The following HIVEP3 variants were observed in gnomAD, a reference collection of about 807,000 sequenced individuals.
The protein encoded by HIVEP3 is HIVEP zinc finger 3, also known as transcription factor HIVEP3.
HIVEP3 carries 49 observed loss-of-function variants against 152.8 expected under a neutral mutation model. The ratio of observed to expected loss-of-function variants is 0.32; its 90% CI spans 0.26 to 0.41. HIVEP3 has a LOEUF of 0.41. Ranked by LOEUF, HIVEP3 falls within the 10% of genes least tolerant of loss-of-function variation. The probability of loss-of-function intolerance (pLI) is 1.00; values close to 1 mark genes in which losing one functional copy is unlikely to be tolerated. For missense variants in HIVEP3, 2,790 were observed against 3,103.3 expected (o/e 0.90, Z 2.40); for synonymous variants, 1,269 against 1,289.0 (o/e 0.98, Z 0.33).
At chr1:42,015,383 T>C (rs971324600) in intron 1 of HIVEP3, among the ~76,000 whole-genome samples, 3 of 152,170 alleles carry the variant, frequency 2.0e-5, no homozygotes, top group Admixed American at 2.0e-4. Context: ...CTCTGAGCCT[T>C]GCCTAAATAC....
intron 1 of HIVEP3, among the ~76,000 whole-genome samples, chr1:41,839,005 T>C (rs1480937975): frequency 6.6e-6 from 1 of 152,178 alleles, no homozygotes; most frequent in African/African-American, 2.4e-5. Flanking sequence ...GTGTCAAGGA[T>C]GTCAGGGGGT....
intron 7 of HIVEP3, among the ~76,000 whole-genome samples, chr1:41,514,147 C>CTTTG (rs72280396): frequency 2.1e-3 from 315 of 151,776 alleles, no homozygotes; most frequent in South Asian, 3.7e-3. Flanking sequence ...AGAAGACAGT[C>CTTTG]TTTGTTTGTT....
chr1:41,528,317 C>T (rs1165926116), intron 5 of HIVEP3, among the ~76,000 whole-genome samples: 1 of 131,474 alleles, frequency 7.6e-6, no homozygotes, highest in Admixed American at 7.4e-5. Flanking sequence ...CACCTTCACA[C>T]TCCACACCCC....
chr1:41,606,860 GT>G (rs1356556726), intron 3 of HIVEP3, among the ~76,000 whole-genome samples: 2 of 149,610 alleles, frequency 1.3e-5, no homozygotes, highest in Admixed American at 6.6e-5. Context: ...CTCTCTGGAA[GT>G]TTTTTGTTTT....
intron 4 of HIVEP3, among the ~76,000 whole-genome samples, chr1:41,576,744 A>G (rs1216557630): frequency 6.6e-6 from 1 of 152,208 alleles, no homozygotes; most frequent in Non-Finnish European, 1.5e-5. Context: ...TCTGAGTTCC[A>G]GCACCAGATA....
intron 5 of HIVEP3, among the ~76,000 whole-genome samples, chr1:41,545,590 T>TCACCACCACCACCACCACCACCACCAC (rs1392801049): frequency 1.5e-4 from 3 of 20,112 alleles, no homozygotes; most frequent in Non-Finnish European, 2.4e-4. Flanking sequence ...ACCATCACCA[T>TCACCACCACCACCACCACCACCACCAC]CACCACCACC....
Position 41,615,684 on chromosome 1 carries a change from G to A in HIVEP3, c.-522+13065C>T, listed in dbSNP as rs902555256. Among the ~76,000 whole-genome samples, 22 of 152,248 alleles carry A rather than the reference G, an allele frequency of 1.4e-4. 1 individual carries two copies. In the East Asian group the frequency reaches 4.2e-3, roughly 29 times the overall value. ...CCCAACTCAGGGCAAGCCCGGTGGG[G>A]GCAGGGTAAACCCAGAAAACAATCA... On this transcript the variant is annotated intron_variant, in intron 3 of 8. Coordinates refer to ENST00000372583, the MANE Select transcript of HIVEP3 (RefSeq NM_024503.5).
At chr1:41,938,941 A>G (rs1000279794) in intron 1 of HIVEP3, among the ~76,000 whole-genome samples, 4 of 152,186 alleles carry the variant, frequency 2.6e-5, no homozygotes, top group Non-Finnish European at 5.9e-5. Context: ...TCTGGACTTC[A>G]TCGAATATCT....
At chr1:41,598,806 G>GTTATTTAT (rs10655770) in intron 3 of HIVEP3, among the ~76,000 whole-genome samples, 12,560 of 146,990 alleles carry the variant, frequency 0.085, 1,116 homozygotes, top group African/African-American at 0.22. Context: ...GTCACATGAT[G>GTTATTTAT]TTATTTATTT....
chr1:41,973,940 A>G (rs1427576789), intron 1 of HIVEP3, among the ~76,000 whole-genome samples: 2 of 152,234 alleles, frequency 1.3e-5, no homozygotes, highest in Non-Finnish European at 2.9e-5. Context: ...GAGGGAATTC[A>G]GTGGAGGGAT....
intron 1 of HIVEP3, among the ~76,000 whole-genome samples, chr1:41,812,922 G>A (rs949797521): frequency 1.6e-5 from 1 of 63,122 alleles, no homozygotes; most frequent in Non-Finnish European, 4.1e-5. Flanking sequence ...AGAGCCAAGC[G>A]CTTTCTGGAC....
At chr1:41,558,987 G>C (rs1021169391) in intron 5 of HIVEP3, among the ~76,000 whole-genome samples, 8 of 151,980 alleles carry the variant, frequency 5.3e-5, no homozygotes, top group African/African-American at 9.7e-5. Flanking sequence ...TCTGTCTTCT[G>C]CTGGCTGCTG....
chr1:42,013,722 G>A (rs7541929), intron 1 of HIVEP3, among the ~76,000 whole-genome samples: 103,324 of 152,080 alleles, frequency 0.68, 35,742 homozygotes, highest in East Asian at 0.96. Context: ...CACTTACAAG[G>A]AATACTTTAG....
At chr1:41,909,797 A>C (rs115544785) in intron 1 of HIVEP3, among the ~76,000 whole-genome samples, 1,920 of 152,242 alleles carry the variant, frequency 0.013, 48 homozygotes, top group African/African-American at 0.044. Flanking sequence ...AATTAGTAAC[A>C]AAAAGATAAT....
Position 41,533,439 on chromosome 1 carries a change from C to CA in HIVEP3, c.5208-8530dup, listed in dbSNP as rs1186775394. 6.6e-6 allele frequency among the ~76,000 whole-genome samples: 1 copy of CA among 152,100 alleles called. No homozygotes were observed. The highest frequency in any genetic ancestry group is 2.4e-5 in the African/African-American group (1 of 41,410). ...AACCAGCCCCAAGCCTCCCTGGGCC[C>CA]AAATCCCGGGCCAGCTCTGCTGTCC... is the stretch of plus-strand genomic sequence containing the variant. On this transcript the variant is annotated intron_variant, in intron 5 of 8. Transcript: ENST00000372583. The surrounding 1 kb of genome is among the most constrained non-coding windows in gnomAD (Gnocchi z 4.3).
At chr1:41,692,887 C>A (rs948190676) in intron 2 of HIVEP3, among the ~76,000 whole-genome samples, 1 of 152,184 alleles carries the variant, frequency 6.6e-6, no homozygotes, top group Admixed American at 6.5e-5. Context: ...CCATTATTTG[C>A]TATTACAAAC....
At position 41,649,316 on chromosome 1, in the gene HIVEP3, C is replaced by A. The variant is rs541037191; in HGVS notation, c.-720-20369G>T. Among the ~76,000 whole-genome samples, 67 of 152,348 alleles carry A rather than the reference C, an allele frequency of 4.4e-4. No homozygotes were observed. The South Asian group carries it at 0.013, about 30-fold the overall frequency. On this transcript the variant is annotated intron_variant, in intron 2 of 8. Coordinates refer to ENST00000372583, the MANE Select transcript of HIVEP3 (RefSeq NM_024503.5). Reference sequence around the variant, plus strand: ...ATCCTCTGGGTTGCAGAATCCCAGGCTCCACCTTCTCCCACTGTCTGATTC... The same window carrying A: ...ATCCTCTGGGTTGCAGAATCCCAGGATCCACCTTCTCCCACTGTCTGATTC...
At chr1:41,801,954 T>C (rs577605291) in intron 1 of HIVEP3, among the ~76,000 whole-genome samples, 1 of 152,202 alleles carries the variant, frequency 6.6e-6, no homozygotes, top group South Asian at 2.1e-4. Flanking sequence ...GGGAGAGGCA[T>C]ACCCTTGGCC....
intron 5 of HIVEP3, among the ~76,000 whole-genome samples, chr1:41,544,906 CCACTACCACCTCTACCACCACCAT>C (rs1643676426): frequency 7.5e-6 from 1 of 133,092 alleles, no homozygotes. Flanking sequence ...ATCACCACCA[CCACTACCACCTCTACCACCACCAT>C]CACCACCACC....
Sources: allele counts gnomAD v4.1 joint callset (sites outside exome capture counted in the v4.1 genomes callset), GRCh38; gene constraint gnomAD v4.1.1; non-coding constraint Gnocchi (gnomAD v3.1); transcripts MANE v1.5; gene names NCBI Gene and HGNC (gene_info 2026-07-23, HGNC 2026-07-21).